The following SLC8B1 variants were observed in gnomAD, a reference collection of about 807,000 sequenced individuals.
SLC8B1 encodes mitochondrial sodium/calcium exchanger protein.
SLC8B1 carries 52 observed loss-of-function variants against 63.4 expected under a neutral mutation model. The ratio of observed to expected loss-of-function variants is 0.82; its 90% CI spans 0.66 to 1.03. SLC8B1 has a LOEUF of 1.03. Ranked by LOEUF, SLC8B1 falls within the 50% of genes least tolerant of loss-of-function variation. The pLI, the probability that SLC8B1 is intolerant of heterozygous loss-of-function variation, is 0.00. For synonymous variants in SLC8B1, 336 were observed against 323.9 expected, an observed-to-expected ratio of 1.04 and a Z score of -0.40; for missense variants, 657 against 741.7, an observed-to-expected ratio of 0.89 and a Z score of 1.33.
At chr12:113,314,354 T>C (rs1156351225) in intron 11 of SLC8B1, among the ~76,000 whole-genome samples, 2 of 152,228 alleles carry the variant, frequency 1.3e-5, no homozygotes, top group African/African-American at 2.4e-5. Context: ...TGCCCAGCCA[T>C]GCATCTGCAC....
intron 10 of SLC8B1, among the ~76,000 whole-genome samples, chr12:113,316,027 A>G (rs1455983213): frequency 2.0e-5 from 3 of 152,180 alleles, no homozygotes; most frequent in Non-Finnish European, 4.4e-5. Flanking sequence ...GATTGAGACC[A>G]TCCTGGCTAA....
At chr12:113,316,374 C>T (rs1314166102) in intron 10 of SLC8B1, 152 bp downstream of exon 10, 16 of 1,046,812 alleles carry the variant, frequency 1.5e-5, no homozygotes, top group South Asian at 3.4e-5. Context: ...CCAAGCTCCA[C>T]GCCTCAGTTT....
rs67032040 is a variant in SLC8B1 at position 113,307,110 on chromosome 12, CAAAAAAAAAAAAAAAAAAAAAAAAAAAA to C, written c.1411+553_1412-536del. 2.2e-4 allele frequency among the ~76,000 whole-genome samples: 4 copies of C among 18,172 alleles called. 1 individual carries two copies. Among genetic ancestry groups the C allele is most frequent in the Admixed American group, 1.2e-3 (1 of 836 alleles). The allele number at this position is 18,172 out of a possible 152,430, so 11.9% of individuals were successfully genotyped here. A position where few individuals can be genotyped will look rare whatever the true frequency, so the allele number is the denominator to read the frequency against. On this transcript the variant is annotated intron_variant, in intron 13 of 15. Transcript: ENST00000680972. ...TGGGCGACAGAGCAAGCCTCCATCT[CAAAAAAAAAAAAAAAAAAAAAAAAAAAA>C]AAAAAAAAAAAAACTACGGCTACCA...
intron 2 of SLC8B1, among the ~76,000 whole-genome samples, chr12:113,327,681 C>CAAAA (rs1190508653): frequency 9.5e-6 from 1 of 104,776 alleles, no homozygotes; most frequent in Non-Finnish European, 2.0e-5. Flanking sequence ...GACTCTGTCT[C>CAAAA]AAAAAAAAAA....
chr12:113,324,742 C>T (rs572169475), intron 2 of SLC8B1, among the ~76,000 whole-genome samples: 17 of 151,856 alleles, frequency 1.1e-4, no homozygotes, highest in Admixed American at 9.9e-4. Flanking sequence ...CTCACTCTGT[C>T]GCCTAGGCTG....
At chr12:113,331,295 T>A (rs67521432) in intron 2 of SLC8B1, among the ~76,000 whole-genome samples, 1 of 148,672 alleles carries the variant, frequency 6.7e-6, no homozygotes, top group Non-Finnish European at 1.5e-5. Flanking sequence ...AGGCTGTGCA[T>A]AAGAATCGCT....
Position 113,316,518 on chromosome 12 carries a change from C to G in SLC8B1, c.993+8G>C. 3.7e-6 allele frequency: 6 copies of G among 1,613,158 alleles called. No homozygotes were observed. The highest frequency in any genetic ancestry group is 1.3e-5 in the African/African-American group (1 of 75,054). ...AAGGCTGTGAGCCTGGCTCCAGGAC[C>G]CTCCTACCTTGAACACCTTGAGGGC... On this transcript the variant is annotated splice_region_variant and intron_variant, in intron 10 of 15. Coordinates refer to ENST00000680972, the MANE Select transcript of SLC8B1 (RefSeq NM_001358345.2).
chr12:113,316,954 T>C lies in SLC8B1; in HGVS notation c.850A>G (p.Ser284Gly). 2.5e-6 allele frequency: 4 copies of C among 1,613,672 alleles called. No homozygotes were observed. Among genetic ancestry groups the C allele is most frequent in the Non-Finnish European group, 2.5e-6 (3 of 1,179,860 alleles). The change falls in exon 9 of 16, where the codon AGC becomes GGC. Residue 284 changes from serine (S) to glycine (G), a missense_variant. Transcript: ENST00000680972. ...EEDRVSSNTN[S>G]YDYGDEYRPL... ...GGCACGGACTCACCGTAGTCATAGC[T>C]GTTGGTATTAGAAGATACCCGGTCC...
chr12:113,307,617 C>A, intron 13 of SLC8B1, 74 bp downstream of exon 13: 2 of 1,543,912 alleles, frequency 1.3e-6, no homozygotes, highest in Non-Finnish European at 8.8e-7. Context: ...CCAGATGCGA[C>A]TCTGGCTGGG....
intron 11 of SLC8B1, among the ~76,000 whole-genome samples, chr12:113,311,372 C>T (rs1956758275): frequency 1.3e-5 from 2 of 152,100 alleles, no homozygotes; most frequent in South Asian, 4.1e-4. Context: ...ATCACTTGAA[C>T]TCAGGAGGTG....
At chr12:113,322,759 C>T (rs1566241000) in intron 2 of SLC8B1, among the ~76,000 whole-genome samples, 1 of 151,852 alleles carries the variant, frequency 6.6e-6, no homozygotes, top group Non-Finnish European at 1.5e-5. Context: ...CCAGCCTGGG[C>T]AACATGACAA....
intron 9 of SLC8B1, 117 bp downstream of exon 9, chr12:113,316,825 A>C (rs1434358509): frequency 6.8e-7 from 1 of 1,473,156 alleles, no homozygotes; most frequent in African/African-American, 1.4e-5. Context: ...CTGCAGTGAG[A>C]GGTGGGGCCG....
At chr12:113,328,791 G>A (rs536425734) in intron 2 of SLC8B1, among the ~76,000 whole-genome samples, 8 of 142,716 alleles carry the variant, frequency 5.6e-5, no homozygotes, top group Non-Finnish European at 6.0e-5. Flanking sequence ...TTACTCCATC[G>A]CCCAGGCAGG....
At chr12:113,307,589 C>T (rs1956692999) in intron 13 of SLC8B1, 102 bp downstream of exon 13, 1 of 1,402,314 alleles carries the variant, frequency 7.1e-7, no homozygotes. Flanking sequence ...AGAGGGCAGA[C>T]ACCCTGGACA....
At chr12:113,306,905 G>A in intron 13 of SLC8B1, 1 of 394,994 alleles carries the variant, frequency 2.5e-6, no homozygotes, top group East Asian at 3.7e-5. Context: ...GAGGTCAGGA[G>A]TTCGAGACCA....
At chr12:113,306,320 G>A (rs1046525271) in intron 14 of SLC8B1, among the ~76,000 whole-genome samples, 175 bp downstream of exon 14, 6 of 152,022 alleles carry the variant, frequency 3.9e-5, no homozygotes, top group Admixed American at 3.3e-4. Context: ...ACACCACTTG[G>A]AGGTTAGCAC....
chr12:113,321,915 G>A (rs67188229), intron 2 of SLC8B1, among the ~76,000 whole-genome samples: 22,669 of 152,066 alleles, frequency 0.15, 2,367 homozygotes, highest in African/African-American at 0.29. Context: ...TATGATGGCT[G>A]GGGGCAGTGG....
chr12:113,320,254 C>T lies in SLC8B1; in HGVS notation c.694+77G>A. ...AGCCCCCACTGACCACCCCTCACACCTCTCTGTCCCAGGCACCTCCTAAAC... is the reference window on the plus strand; with the variant it reads ...AGCCCCCACTGACCACCCCTCACACTTCTCTGTCCCAGGCACCTCCTAAAC... On this transcript the variant is annotated intron_variant, in intron 7 of 15. Transcript: ENST00000680972. This position sits in a 1 kb window ranked among gnomAD's most constrained non-coding sequence, Gnocchi z 5.3. 4 of 1,523,192 alleles carry T rather than the reference C, an allele frequency of 2.6e-6. No individual in the cohort carries two copies. The highest frequency in any genetic ancestry group is 1.8e-4 in the Middle Eastern group (1 of 5,508). The allele number at this position is 1,523,192 out of a possible 1,614,324, so 94.4% of individuals were successfully genotyped here.
At chr12:113,329,361 C>T (rs1957031882) in intron 2 of SLC8B1, among the ~76,000 whole-genome samples, 1 of 152,178 alleles carries the variant, frequency 6.6e-6, no homozygotes, top group Non-Finnish European at 1.5e-5. Context: ...GCAGGGGCAG[C>T]CTCCATTTCC....
Sources: gnomAD v4.1 joint callset for allele counts (sites outside exome capture counted in the v4.1 genomes callset) on GRCh38, gnomAD v4.1.1 for gene constraint, Gnocchi (gnomAD v3.1) non-coding constraint, MANE v1.5 for transcripts, NCBI Gene and HGNC (gene_info 2026-07-23, HGNC 2026-07-21) for gene names.